Variants in CDC40 observed in about 807,000 individuals in gnomAD.
CDC40 encodes the protein pre-mRNA-processing factor 17.
CDC40 carries 27 observed loss-of-function variants against 80.6 expected under a neutral mutation model. That is an observed-to-expected ratio of 0.33 (90% CI 0.25 to 0.46). The LOEUF (loss-of-function observed/expected upper bound fraction) is 0.46, where lower values mean the gene tolerates loss of function less well. Ranked by LOEUF, CDC40 falls within the 20% of genes least tolerant of loss-of-function variation. CDC40 has a pLI of 1.00. For synonymous variants in CDC40, 221 were observed against 232.6 expected, an observed-to-expected ratio of 0.95 and a Z score of 0.45; for missense variants, 486 against 694.1, an observed-to-expected ratio of 0.70 and a Z score of 3.37.
chr6:110,217,483 C>T (rs1777714866), intron 9 of CDC40, among the ~76,000 whole-genome samples: 1 of 152,186 alleles, frequency 6.6e-6, no homozygotes, highest in East Asian at 1.9e-4. Flanking sequence ...GCATCAGAAT[C>T]ACCTGAGGAG....
chr6:110,183,816 T>C (rs1006637275), intron 1 of CDC40, among the ~76,000 whole-genome samples: 12 of 152,226 alleles, frequency 7.9e-5, no homozygotes, highest in Non-Finnish European at 1.5e-4. Context: ...GAGTATCTTT[T>C]AATATGTTAT....
At chr6:110,227,595 T>C (rs1201484486) in intron 13 of CDC40, among the ~76,000 whole-genome samples, 1 of 152,226 alleles carries the variant, frequency 6.6e-6, no homozygotes, top group Non-Finnish European at 1.5e-5. Flanking sequence ...AATGTTTACA[T>C]GTACAGTTGG....
At position 110,180,476 on chromosome 6, in the gene CDC40, C is replaced by T; in HGVS notation, c.32C>T (p.Ser11Phe). The T allele has an allele frequency of 2.5e-6, 4 of 1,614,192 alleles. No homozygotes were observed. Among genetic ancestry groups the T allele is most frequent in the Non-Finnish European group, 3.4e-6 (4 of 1,180,032 alleles). Residue 11 changes from serine to phenylalanine, a missense_variant, in exon 1 of 15, where the codon TCC (serine) becomes TTC (phenylalanine). Ser to Phe is a radical substitution (Grantham distance 155, BLOSUM62 -2). This residue lies in a region of CDC40 where 381 missense variants were observed against 492.1 expected (regional missense o/e 0.77). Transcript: ENST00000307731. MSAAIAALAA[S>F]YGSGSGSESD... ...GCTGCGATTGCAGCTCTGGCCGCTT[C>T]CTATGGTTCGGGTTCAGGGTCCGAA...
intron 3 of CDC40, among the ~76,000 whole-genome samples, 190 bp from the exon 4 acceptor site, chr6:110,207,314 CAA>C (rs869177206): frequency 2.9e-4 from 15 of 52,516 alleles, no homozygotes; most frequent in Admixed American, 6.5e-4. Context: ...GACCCTATCT[CAA>C]AAAAAAAAAA....
intron 14 of CDC40, among the ~76,000 whole-genome samples, chr6:110,229,188 C>T (rs576475490): frequency 1.3e-5 from 2 of 152,120 alleles, no homozygotes; most frequent in South Asian, 4.2e-4. Flanking sequence ...CAGTATATTC[C>T]CTTCTATTAC....
chr6:110,220,691 C>T (rs546587437), intron 12 of CDC40, among the ~76,000 whole-genome samples: 67 of 152,182 alleles, frequency 4.4e-4, no homozygotes, highest in African/African-American at 1.2e-3. Flanking sequence ...ATGATCCGCC[C>T]ACCTTGGCCT....
chr6:110,212,316 T>C lies in CDC40; in HGVS notation c.867+44T>C, dbSNP rs760974178. ...TCTGTTTGCTGTAATGTTATAATAA[T>C]GAAGCCAACGTAAAGTTTTAGCTGT... On this transcript the variant is annotated intron_variant, in intron 7 of 14. Transcript: ENST00000307731. The C allele has an allele frequency of 1.9e-6, 3 of 1,597,592 alleles. No individual in the cohort carries two copies. In the South Asian group the frequency reaches 3.3e-5, roughly 18 times the overall value.
intron 1 of CDC40, among the ~76,000 whole-genome samples, chr6:110,186,018 G>A (rs1042206651): frequency 6.6e-6 from 1 of 152,148 alleles, no homozygotes; most frequent in African/African-American, 2.4e-5. Context: ...TGAGCAATGC[G>A]AGAACCTTAG....
chr6:110,191,071 A>T (rs1389245373), intron 1 of CDC40, among the ~76,000 whole-genome samples: 1 of 152,322 alleles, frequency 6.6e-6, no homozygotes, highest in Non-Finnish European at 1.5e-5. Flanking sequence ...AAGGGACCTG[A>T]TAGGCTCTGA....
chr6:110,217,125 C>G (rs78068420), intron 9 of CDC40, among the ~76,000 whole-genome samples: 4,738 of 152,188 alleles, frequency 0.031, 142 homozygotes, highest in South Asian at 0.12. Context: ...AATAAAAAAC[C>G]ATGCAAGCTA....
At chr6:110,229,815 C>A in intron 14 of CDC40, 139 bp from the exon 15 acceptor site, 2 of 547,214 alleles carry the variant, frequency 3.7e-6, no homozygotes, top group Non-Finnish European at 3.2e-6. Flanking sequence ...CATGTTCTAC[C>A]ATCTTATTCT....
chr6:110,210,379 G>A (rs1372870001), intron 5 of CDC40, among the ~76,000 whole-genome samples: 1 of 149,854 alleles, frequency 6.7e-6, no homozygotes, highest in East Asian at 1.9e-4. Flanking sequence ...GTAAAACCCT[G>A]TCTCTACTAA....
In CDC40 at chr6:110,219,981, T is replaced by C. The variant is rs1777747631; in HGVS notation, c.1340+112T>C. 7 of 1,100,818 alleles carry C rather than the reference T, an allele frequency of 6.4e-6. No homozygotes were observed. In the South Asian group the frequency reaches 1.2e-4, roughly 19 times the overall value. The allele number at this position is 1,100,818 out of a possible 1,614,324, so 68.2% of individuals were successfully genotyped here. On this transcript the variant is annotated intron_variant, in intron 12 of 14. Coordinates refer to ENST00000307731, the MANE Select transcript of CDC40 (RefSeq NM_015891.3). ...ACCATTTGAATATTTTTTGCAACTG[T>C]GATCCTGGCTTGCCAATCAAACTGT... is the stretch of plus-strand genomic sequence containing the variant.
rs541744894 is a variant in CDC40 at position 110,216,249 on chromosome 6, C to G, written c.988+918C>G. ...TTTTTGGTAGAGAAAGGTTTATTGT[C>G]TTTGTCAGATTTCATGTGAAGGCTA... On this transcript the variant is annotated intron_variant, in intron 9 of 14. Coordinates refer to ENST00000307731, the MANE Select transcript of CDC40 (RefSeq NM_015891.3). Among the ~76,000 whole-genome samples, 10 of 152,290 alleles carry G rather than the reference C, an allele frequency of 6.6e-5. No homozygotes were observed. In the South Asian group the frequency reaches 2.1e-3, roughly 32 times the overall value.
chr6:110,199,634 C>T (rs143277036), intron 2 of CDC40, among the ~76,000 whole-genome samples: 74 of 150,798 alleles, frequency 4.9e-4, no homozygotes, highest in African/African-American at 1.8e-3. Context: ...GTATGTATGG[C>T]CTGTAGAAAA....
intron 13 of CDC40, among the ~76,000 whole-genome samples, chr6:110,227,140 A>G (rs1039894432): frequency 6.6e-6 from 1 of 152,246 alleles, no homozygotes; most frequent in African/African-American, 2.4e-5. Flanking sequence ...AAAATTAAGA[A>G]GATAAATCTA....
At position 110,212,268 on chromosome 6, in the gene CDC40, C is replaced by A. The variant is rs747870092; in HGVS notation, c.863C>A (p.Thr288Lys). ...CAAATTCATGTGTGGTCTGGACACA[C>A]AAAGGTAAGCAAGTTGGTTGTTTCT... Reference protein sequence around the residue: ...KKQIHVWSGHTKGVSAVRLFP... With the variant: ...KKQIHVWSGHKKGVSAVRLFP... Residue 288 changes from threonine (T) to lysine (K), a missense_variant, in exon 7 of 15, where the codon ACA (threonine) becomes AAA (lysine). By Grantham distance (78) the Thr-to-Lys change is moderately conservative. Around this residue, in one of 3 missense-constraint regions of CDC40, gnomAD observed 381 missense variants for 492.1 expected, o/e 0.77. Coordinates refer to ENST00000307731, the MANE Select transcript of CDC40 (RefSeq NM_015891.3). The A allele has an allele frequency of 1.2e-6, 2 of 1,613,232 alleles. No homozygotes were observed. Among genetic ancestry groups the A allele is most frequent in the South Asian group, 1.1e-5 (1 of 90,826 alleles).
At chr6:110,210,943 TA>T in intron 6 of CDC40, 140 bp downstream of exon 6, 1 of 355,442 alleles carries the variant, frequency 2.8e-6, no homozygotes, top group South Asian at 1.0e-4. Context: ...GGACAATTTG[TA>T]TCCCAAGGAA....
At chr6:110,182,587 T>G (rs1777213412) in intron 1 of CDC40, among the ~76,000 whole-genome samples, 1 of 152,226 alleles carries the variant, frequency 6.6e-6, no homozygotes, top group Non-Finnish European at 1.5e-5. Flanking sequence ...GCTGTTTCAT[T>G]AATTTCTCTC....
Sources: gnomAD v4.1 joint callset for allele counts (sites outside exome capture counted in the v4.1 genomes callset) on GRCh38, gnomAD v4.1.1 for gene constraint, gnomAD v4.1.1 regional missense constraint, MANE v1.5 for transcripts, NCBI Gene and HGNC (gene_info 2026-07-23, HGNC 2026-07-21) for gene names.